Variants in SERTAD4 observed in about 807,000 individuals in gnomAD.
SERTAD4 encodes the protein SERTA domain-containing protein 4.
Under a neutral mutation model 32.9 loss-of-function variants are expected in SERTAD4, and 18 were observed. The observed-to-expected ratio is 0.55, with a 90% CI of 0.38 to 0.81. The LOEUF (loss-of-function observed/expected upper bound fraction) is 0.81, where lower values mean the gene tolerates loss of function less well. Among genes scored for constraint, SERTAD4 ranks in the 30% least tolerant of loss-of-function variants. The pLI, the probability that SERTAD4 is intolerant of heterozygous loss-of-function variation, is 0.00. For synonymous variants in SERTAD4, 150 were observed against 156.4 expected (o/e 0.96, Z 0.30); for missense variants, 383 against 426.0 (o/e 0.90, Z 0.89).
At position 210,242,770 on chromosome 1, in the gene SERTAD4, TA is replaced by T. The variant is rs893824109; in HGVS notation, c.*434del. On this transcript the variant is annotated 3_prime_UTR_variant, in exon 4 of 4. Transcript: ENST00000367012. The surrounding 1 kb of genome is among the most constrained non-coding windows in gnomAD (Gnocchi z 4.0). ...TACCTGCTTCTTCTATATGATACAA[TA>T]TTTTTTTTAAATAAAAGACTAAAGA... 2.6e-5 allele frequency: 26 copies of T among 988,390 alleles called. No individual in the cohort carries two copies. In the East Asian group the frequency reaches 3.4e-4, roughly 13 times the overall value. The allele number at this position is 988,390 out of a possible 1,614,324, so 61.2% of individuals were successfully genotyped here.
Position 210,242,373 on chromosome 1 carries a change from A to G in SERTAD4, c.*36A>G, listed in dbSNP as rs759177821. On this transcript the variant is annotated 3_prime_UTR_variant, in exon 4 of 4. Coordinates refer to ENST00000367012, the MANE Select transcript of SERTAD4 (RefSeq NM_019605.5). The surrounding 1 kb of genome is among the most constrained non-coding windows in gnomAD (Gnocchi z 4.0). Reference sequence around the variant, plus strand: ...CACCGAACTTTGAAGCATGCACAGCATGATCAGTTAGCTCTCGTAAATTTT... The same window carrying G: ...CACCGAACTTTGAAGCATGCACAGCGTGATCAGTTAGCTCTCGTAAATTTT... 6.6e-7 allele frequency: 1 copy of G among 1,526,168 alleles called. No individual in the cohort carries two copies. 94.5% of individuals were successfully genotyped at this position (1,526,168 alleles called of 1,614,324 possible). A position where few individuals can be genotyped will look rare whatever the true frequency, so the allele number is the denominator to read the frequency against.
At chr1:210,240,705 G>A (rs1355747630) in intron 3 of SERTAD4, among the ~76,000 whole-genome samples, 1 of 152,166 alleles carries the variant, frequency 6.6e-6, no homozygotes, top group East Asian at 1.9e-4. Flanking sequence ...TCAGGAGTGA[G>A]CCCTCTCATT....
intron 1 of SERTAD4, chr1:210,233,670 C>T (rs900737665): frequency 8.5e-6 from 4 of 470,088 alleles, no homozygotes; most frequent in Middle Eastern, 3.7e-4. Context: ...CCGCCTGGTC[C>T]ACGCCTCCGC....
intron 1 of SERTAD4, among the ~76,000 whole-genome samples, chr1:210,235,238 TCAGA>T (rs1274127252): frequency 1.3e-5 from 2 of 152,216 alleles, no homozygotes; most frequent in African/African-American, 4.8e-5. Context: ...ATAAATCTTA[TCAGA>T]CAGAGAATTA....
intron 1 of SERTAD4, chr1:210,233,644 G>C (rs1423957941): frequency 2.1e-6 from 1 of 468,654 alleles, no homozygotes; most frequent in African/African-American, 2.0e-5. Flanking sequence ...CCTCCTCGGC[G>C]GGCTGAGGCT....
intron 1 of SERTAD4, 41 bp from the exon 2 acceptor site, chr1:210,237,903 G>A: frequency 1.3e-6 from 2 of 1,525,952 alleles, no homozygotes; most frequent in Non-Finnish European, 1.8e-6. Context: ...CTTGATTAGG[G>A]CTGTTTTCTT....
intron 1 of SERTAD4, among the ~76,000 whole-genome samples, chr1:210,234,708 A>G (rs1047404561): frequency 2.0e-5 from 3 of 152,188 alleles, no homozygotes; most frequent in African/African-American, 7.2e-5. Context: ...TCTTAATCAA[A>G]TGCTCTCCAA....
intron 3 of SERTAD4, among the ~76,000 whole-genome samples, chr1:210,241,260 A>G (rs1407160123): frequency 6.6e-6 from 1 of 152,160 alleles, no homozygotes; most frequent in African/African-American, 2.4e-5. Flanking sequence ...ATAATAGATC[A>G]AACCACCTGA....
At chr1:210,239,405 C>A (rs139033697) in intron 2 of SERTAD4, 88 bp from the exon 3 acceptor site, 1 of 778,972 alleles carries the variant, frequency 1.3e-6, no homozygotes, top group Non-Finnish European at 2.3e-6. Context: ...CCAAGTTATC[C>A]TCTAGAAGGA....
intron 1 of SERTAD4, among the ~76,000 whole-genome samples, chr1:210,233,306 G>GC (rs1458246363): frequency 6.6e-6 from 1 of 152,088 alleles, no homozygotes; most frequent in African/African-American, 2.4e-5. Context: ...CTCTAGGGCT[G>GC]CTCGGGCTGC....
chr1:210,236,965 C>T (rs1288781629), intron 1 of SERTAD4, among the ~76,000 whole-genome samples: 1 of 152,216 alleles, frequency 6.6e-6, no homozygotes, highest in Admixed American at 6.5e-5. Flanking sequence ...TGAAAGCGGC[C>T]TCACTGCCTG....
rs1159733351 is a variant in SERTAD4, at chr1:210,243,471, C to A, written c.*1134C>A. ...AAGCATGTGGGTTTTTATATATGAA[C>A]TTTGCTGTTGATTAAGAAGCACAAT... On this transcript the variant is annotated 3_prime_UTR_variant, in exon 4 of 4. Coordinates refer to ENST00000367012, the MANE Select transcript of SERTAD4 (RefSeq NM_019605.5). 3 of 152,220 alleles carry A rather than the reference C, an allele frequency of 2.0e-5. No homozygotes were observed. In the East Asian group the frequency reaches 5.8e-4, roughly 29 times the overall value. 9.4% of individuals were successfully genotyped at this position (152,220 alleles called of 1,614,324 possible). A position where few individuals can be genotyped will look rare whatever the true frequency, so the allele number is the denominator to read the frequency against.
chr1:210,242,164 G>A lies in SERTAD4; in HGVS notation c.898G>A (p.Glu300Lys), dbSNP rs369366884. The A allele has an allele frequency of 2.5e-5, 40 of 1,614,064 alleles. No homozygotes were observed. Among genetic ancestry groups the A allele is most frequent in the African/African-American group, 1.5e-4 (11 of 74,930 alleles). Residue 300 changes from glutamate (E) to lysine (K), a missense_variant, in exon 4 of 4, where the codon GAA becomes AAA. Around this residue, in one of 3 missense-constraint regions of SERTAD4, gnomAD observed 180 missense variants for 190.6 expected, o/e 0.94. Transcript: ENST00000367012. This position sits in a 1 kb window ranked among gnomAD's most constrained non-coding sequence, Gnocchi z 4.0. ...CAGAGATGGTGGCCCCCTCAGCCACGAACCTGTGGGAAATGACCTTGCTTT... is the reference window on the plus strand; with the variant it reads ...CAGAGATGGTGGCCCCCTCAGCCACAAACCTGTGGGAAATGACCTTGCTTT... ...TNRDGGPLSH[E>K]PVGNDLAFEC...
intron 1 of SERTAD4, chr1:210,233,989 T>A (rs2083914447): frequency 2.7e-6 from 1 of 369,120 alleles, no homozygotes; most frequent in Non-Finnish European, 5.4e-6. Context: ...ACTTGGTTTT[T>A]TTTTTAAAAA....
At chr1:210,233,246 T>A (rs1442115987) in intron 1 of SERTAD4, among the ~76,000 whole-genome samples, 1 of 151,938 alleles carries the variant, frequency 6.6e-6, no homozygotes, top group Non-Finnish European at 1.5e-5. Flanking sequence ...GGCTTTTCCC[T>A]GGGCTAGCGT....
intron 1 of SERTAD4, 48 bp from the exon 2 acceptor site, chr1:210,237,896 G>C: frequency 2.7e-6 from 4 of 1,508,564 alleles, no homozygotes; most frequent in Non-Finnish European, 3.6e-6. Flanking sequence ...GCTTGCTCTT[G>C]ATTAGGGCTG....
rs966218242 is a variant in SERTAD4 at position 210,236,335 on chromosome 1, G to A, written c.-17-1609G>A. Reference sequence around the variant, plus strand: ...AAGAGAACGGGGAGGTGTTGTAGCAGCCCAAACCAGCTGAGTCCTAATTCT... The same window carrying A: ...AAGAGAACGGGGAGGTGTTGTAGCAACCCAAACCAGCTGAGTCCTAATTCT... On this transcript the variant is annotated intron_variant, in intron 1 of 3. Transcript: ENST00000367012. 3.3e-5 allele frequency among the ~76,000 whole-genome samples: 5 copies of A among 152,192 alleles called. No individual in the cohort carries two copies. In the South Asian group the frequency reaches 6.2e-4, roughly 19 times the overall value.
At chr1:210,239,346 T>C (rs2083972647) in intron 2 of SERTAD4, 147 bp from the exon 3 acceptor site, 4 of 601,544 alleles carry the variant, frequency 6.6e-6, no homozygotes, top group Admixed American at 3.8e-5. Context: ...TAGCAACTAT[T>C]AAGACAAATG....
At position 210,238,110 on chromosome 1, in the gene SERTAD4, C is replaced by G. The variant is rs777791874; in HGVS notation, c.150C>G (p.Asp50Glu). ...PGPAQAPLQG[D>E]RGAGPPLAGS... Reference sequence around the variant, plus strand: ...CAGCACAAGCTCCTTTGCAGGGAGACCGGGGAGCTGGTCCCCCACTGGCAG... The same window carrying G: ...CAGCACAAGCTCCTTTGCAGGGAGAGCGGGGAGCTGGTCCCCCACTGGCAG... Residue 50 changes from aspartate to glutamate, a missense_variant, in exon 2 of 4, where the codon GAC becomes GAG. Physicochemically the swap from Asp to Glu is conservative, Grantham distance 45 (BLOSUM62 2). This residue lies in a region of SERTAD4 where 96 missense variants were observed against 76.6 expected (regional missense o/e 1.25). Coordinates refer to ENST00000367012, the MANE Select transcript of SERTAD4 (RefSeq NM_019605.5). The G allele has an allele frequency of 6.2e-6, 10 of 1,609,690 alleles. No homozygotes were observed. Among genetic ancestry groups the G allele is most frequent in the Non-Finnish European group, 8.5e-6 (10 of 1,178,674 alleles).
Sources: gnomAD v4.1 joint callset for allele counts (sites outside exome capture counted in the v4.1 genomes callset) on GRCh38, gnomAD v4.1.1 for gene constraint, gnomAD v4.1.1 regional missense constraint, Gnocchi (gnomAD v3.1) non-coding constraint, MANE v1.5 for transcripts, NCBI Gene and HGNC (gene_info 2026-07-23, HGNC 2026-07-21) for gene names.